The following DEPTOR variants were observed in gnomAD, a reference collection of about 807,000 sequenced individuals.
The protein encoded by DEPTOR is DEP domain containing MTOR interacting protein.
A neutral mutation model predicts 41.6 loss-of-function variants in DEPTOR; 41 were observed. The observed-to-expected ratio is 0.98, with a 90% CI of 0.77 to 1.28. The LOEUF is 1.28. Ranked by LOEUF, DEPTOR falls within the 50% of genes most tolerant of loss-of-function variation. The pLI, the probability that DEPTOR is intolerant of heterozygous loss-of-function variation, is 0.00. For missense variants in DEPTOR, 514 were observed against 527.9 expected (o/e 0.97, Z 0.26); for synonymous variants, 195 against 192.3 (o/e 1.01, Z -0.12).
intron 6 of DEPTOR, among the ~76,000 whole-genome samples, chr8:120,003,891 AC>A (rs1162606185): frequency 6.6e-6 from 1 of 152,000 alleles, no homozygotes; most frequent in East Asian, 1.9e-4. Context: ...TCCCTTACCC[AC>A]CTAATGTCCT....
At chr8:119,931,840 A>G (rs1329154592) in intron 3 of DEPTOR, among the ~76,000 whole-genome samples, 1 of 152,074 alleles carries the variant, frequency 6.6e-6, no homozygotes, top group East Asian at 1.9e-4. Flanking sequence ...AGGTATTTCA[A>G]TTACAATGAT....
In DEPTOR at chr8:119,998,425, T is replaced by A. The variant is rs73705870; in HGVS notation, c.605-3100T>A. ...TAATGTGTATTTCCATATTGACTAA[T>A]GAGGTTGAGCCTCTTTTCATGTGCT... is the stretch of plus-strand genomic sequence containing the variant. On this transcript the variant is annotated intron_variant, in intron 4 of 8. Transcript: ENST00000286234. Among the ~76,000 whole-genome samples the A allele has an allele frequency of 2.8e-3, 434 of 152,328 alleles. 2 individuals are homozygous for A. Among genetic ancestry groups the A allele is most frequent in the African/African-American group, 0.01 (416 of 41,584 alleles).
chr8:119,995,764 A>G (rs1296656061), intron 4 of DEPTOR, among the ~76,000 whole-genome samples: 17 of 152,176 alleles, frequency 1.1e-4, no homozygotes, highest in Admixed American at 1.1e-3. Flanking sequence ...TCATATTTCA[A>G]TCACAATGTT....
intron 7 of DEPTOR, among the ~76,000 whole-genome samples, chr8:120,007,906 T>C (rs898392742): frequency 2.0e-5 from 3 of 152,232 alleles, no homozygotes; most frequent in Non-Finnish European, 4.4e-5. Flanking sequence ...TCCCTGTTTT[T>C]CCTCAGTCTC....
At chr8:119,933,176 T>G (rs902429760) in intron 3 of DEPTOR, among the ~76,000 whole-genome samples, 1 of 152,172 alleles carries the variant, frequency 6.6e-6, no homozygotes, top group East Asian at 1.9e-4. Context: ...CACTGACTCC[T>G]GTGGCTTCCA....
In DEPTOR at chr8:119,932,814, G is replaced by C. The variant is rs1045828911; in HGVS notation, c.425+2876G>C. Among the ~76,000 whole-genome samples, 4 of 152,302 alleles carry C rather than the reference G, an allele frequency of 2.6e-5. No homozygotes were observed. The East Asian group carries it at 5.8e-4, about 22-fold the overall frequency. ...TAGGGGCATCGGGGAAGACGTTTTT[G>C]AAGAGACAACATTTGAATAAAGGAA... is the stretch of plus-strand genomic sequence containing the variant. On this transcript the variant is annotated intron_variant, in intron 3 of 8. Transcript: ENST00000286234.
At chr8:119,980,387 T>G (rs1828747111) in intron 4 of DEPTOR, among the ~76,000 whole-genome samples, 1 of 152,134 alleles carries the variant, frequency 6.6e-6, no homozygotes, top group Non-Finnish European at 1.5e-5. Context: ...AGAACACAGC[T>G]CTAGGCCGTT....
intron 1 of DEPTOR, among the ~76,000 whole-genome samples, chr8:119,894,766 T>C (rs1424184032): frequency 6.6e-6 from 1 of 152,214 alleles, no homozygotes; most frequent in Middle Eastern, 3.2e-3. Context: ...TTAGTTAATA[T>C]GCCTGGAGAA....
chr8:119,972,603 A>G (rs999607609), intron 4 of DEPTOR, among the ~76,000 whole-genome samples: 1 of 150,780 alleles, frequency 6.6e-6, no homozygotes, highest in African/African-American at 2.4e-5. Context: ...AGCCTTTGTG[A>G]CAGAGTAAGA....
intron 4 of DEPTOR, among the ~76,000 whole-genome samples, chr8:119,973,406 T>A (rs1828658030): frequency 6.6e-6 from 1 of 152,186 alleles, no homozygotes; most frequent in South Asian, 2.1e-4. Flanking sequence ...GCTAATTTTT[T>A]AATTTTTCAT....
At chr8:119,880,530 A>T (rs1827285762) in intron 1 of DEPTOR, among the ~76,000 whole-genome samples, 3 of 152,222 alleles carry the variant, frequency 2.0e-5, no homozygotes, top group Admixed American at 6.5e-5. Context: ...GAAACACTAA[A>T]ACAACTTTAA....
At chr8:120,033,108 A>G (rs1253766401) in intron 8 of DEPTOR, among the ~76,000 whole-genome samples, 6 of 138,076 alleles carry the variant, frequency 4.3e-5, no homozygotes, top group Non-Finnish European at 7.7e-5. Context: ...TTTTTTTGAG[A>G]CAAAATTTCA....
chr8:120,016,914 C>T (rs1812620776), intron 8 of DEPTOR, among the ~76,000 whole-genome samples: 1 of 152,152 alleles, frequency 6.6e-6, no homozygotes, highest in African/African-American at 2.4e-5. Flanking sequence ...TGCCCAACCT[C>T]AATGTATGAA....
At chr8:119,907,080 C>T (rs535456500) in intron 1 of DEPTOR, among the ~76,000 whole-genome samples, 1 of 152,232 alleles carries the variant, frequency 6.6e-6, no homozygotes, top group East Asian at 1.9e-4. Flanking sequence ...ACACCAAAAG[C>T]ATATTTTTCT....
chr8:119,956,690 CCTT>C (rs1384845640), intron 3 of DEPTOR, among the ~76,000 whole-genome samples: 1 of 138,104 alleles, frequency 7.2e-6, no homozygotes, highest in Non-Finnish European at 1.6e-5. Flanking sequence ...ACACAGGTCT[CCTT>C]TTTTTTTTTT....
chr8:119,967,792 T>A (rs1389754977), intron 4 of DEPTOR, among the ~76,000 whole-genome samples: 1 of 150,892 alleles, frequency 6.6e-6, no homozygotes, highest in Non-Finnish European at 1.5e-5. Context: ...TGTTTTACAG[T>A]ACTTTTATTT....
chr8:119,885,041 G>A (rs1827346262), intron 1 of DEPTOR, among the ~76,000 whole-genome samples: 1 of 152,172 alleles, frequency 6.6e-6, no homozygotes, highest in Non-Finnish European at 1.5e-5. Context: ...TTATAGGCGT[G>A]AGCTACCTTG....
At chr8:119,987,284 C>T (rs948486955) in intron 4 of DEPTOR, among the ~76,000 whole-genome samples, 12 of 152,156 alleles carry the variant, frequency 7.9e-5, no homozygotes, top group Non-Finnish European at 1.3e-4. Context: ...CTAAGTCAGA[C>T]CCCTTTGCTG....
intron 1 of DEPTOR, among the ~76,000 whole-genome samples, chr8:119,920,253 C>G (rs945424572): frequency 6.6e-6 from 1 of 152,134 alleles, no homozygotes; most frequent in Admixed American, 6.5e-5. Flanking sequence ...ATAATATGCA[C>G]GAATTAACTT....
Sources: gnomAD v4.1 joint callset for allele counts (sites outside exome capture counted in the v4.1 genomes callset) on GRCh38, gnomAD v4.1.1 for gene constraint, MANE v1.5 for transcripts, NCBI Gene and HGNC (gene_info 2026-07-23, HGNC 2026-07-21) for gene names.